Variants in FANCC observed in about 807,000 individuals in gnomAD.
The protein encoded by FANCC is Fanconi anemia group C protein.
A neutral mutation model predicts 71.3 loss-of-function variants in FANCC; 55 were observed. The ratio of observed to expected loss-of-function variants is 0.77; its 90% CI spans 0.62 to 0.97. The LOEUF is 0.97. FANCC is among the 50% of genes least tolerant of loss of function. The pLI, the probability that FANCC is intolerant of heterozygous loss-of-function variation, is 0.00. For missense variants in FANCC, 678 were observed against 670.9 expected (o/e 1.01, Z -0.12); for synonymous variants, 275 against 244.9 (o/e 1.12, Z -1.15).
intron 1 of FANCC, among the ~76,000 whole-genome samples, chr9:95,300,815 C>T (rs756429160): frequency 2.4e-4 from 36 of 152,166 alleles, no homozygotes; most frequent in Non-Finnish European, 1.0e-4. Context: ...CCATCATTTA[C>T]ACTAGCTGCC....
intron 4 of FANCC, among the ~76,000 whole-genome samples, chr9:95,222,349 C>A (rs1224088161): frequency 2.0e-5 from 3 of 151,930 alleles, no homozygotes; most frequent in Non-Finnish European, 2.9e-5. Flanking sequence ...ATGGATAAAT[C>A]TCAGAAACAT....
chr9:95,264,154 C>T (rs1193692941), intron 1 of FANCC, among the ~76,000 whole-genome samples: 2 of 152,208 alleles, frequency 1.3e-5, no homozygotes, highest in African/African-American at 4.8e-5. Context: ...AATCCCTTAA[C>T]ACCATTCTTT....
chr9:95,136,316 T>C (rs1827690234), intron 7 of FANCC, among the ~76,000 whole-genome samples: 2 of 151,962 alleles, frequency 1.3e-5, no homozygotes, highest in South Asian at 4.1e-4. Flanking sequence ...GGAGGATCGC[T>C]AGAGCCCAGG....
chr9:95,227,412 C>T (rs964869780), intron 4 of FANCC, among the ~76,000 whole-genome samples: 1 of 152,174 alleles, frequency 6.6e-6, no homozygotes, highest in East Asian at 1.9e-4. Flanking sequence ...CAGACACAAG[C>T]TACATTCTTG....
At position 95,172,028 on chromosome 9, in the gene FANCC, A is replaced by C; in HGVS notation, c.456+9T>G. The C allele has an allele frequency of 1.3e-6, 2 of 1,526,202 alleles. No homozygotes were observed. The highest frequency in any genetic ancestry group is 1.8e-6 in the Non-Finnish European group (2 of 1,100,612). 94.5% of individuals were successfully genotyped at this position (1,526,202 alleles called of 1,614,324 possible). ...AACATTTCAAAAGTGATAAATTTTA[A>C]ATACTCACATTTTTAAGCAAACCAG... is the stretch of plus-strand genomic sequence containing the variant. On this transcript the variant is annotated intron_variant, in intron 5 of 14. Transcript: ENST00000289081.
chr9:95,116,925 C>T (rs980338934), intron 11 of FANCC, among the ~76,000 whole-genome samples: 2 of 152,198 alleles, frequency 1.3e-5, no homozygotes, highest in African/African-American at 4.8e-5. Flanking sequence ...TCTTCTGCAA[C>T]AAGGCTGCAC....
intron 10 of FANCC, among the ~76,000 whole-genome samples, chr9:95,121,816 A>G (rs1216067799): frequency 6.6e-6 from 1 of 152,146 alleles, no homozygotes; most frequent in Non-Finnish European, 1.5e-5. Context: ...ATGTGATCAA[A>G]CTACTTTCAG....
intron 4 of FANCC, among the ~76,000 whole-genome samples, chr9:95,220,673 A>G (rs1357096251): frequency 6.6e-6 from 1 of 152,092 alleles, no homozygotes; most frequent in Non-Finnish European, 1.5e-5. Context: ...AACAATGAGA[A>G]CACTTGGACA....
intron 6 of FANCC, among the ~76,000 whole-genome samples, chr9:95,165,734 G>A (rs984120722): frequency 1.3e-5 from 2 of 152,060 alleles, no homozygotes; most frequent in African/African-American, 4.8e-5. Context: ...ATATGTGCTT[G>A]AGAAGAGTGT....
intron 14 of FANCC, among the ~76,000 whole-genome samples, chr9:95,106,636 AT>A (rs1355533699): frequency 3.9e-5 from 6 of 152,284 alleles, no homozygotes; most frequent in African/African-American, 1.4e-4. Context: ...TAATAAACCA[AT>A]TTTTTTAAAG....
intron 7 of FANCC, among the ~76,000 whole-genome samples, chr9:95,141,985 GTTTTTTTTTTT>G (rs1163083695): frequency 3.6e-5 from 3 of 83,138 alleles, no homozygotes. Flanking sequence ...AGTTTGTGGG[GTTTTTTTTTTT>G]TTTTTTTTTT....
intron 1 of FANCC, among the ~76,000 whole-genome samples, chr9:95,268,100 T>C (rs1832495322): frequency 6.6e-6 from 1 of 152,212 alleles, no homozygotes; most frequent in Non-Finnish European, 1.5e-5. Context: ...GCATTTTGCC[T>C]CTCCCCTACC....
At chr9:95,126,175 T>A (rs935001449) in intron 9 of FANCC, among the ~76,000 whole-genome samples, 1 of 152,230 alleles carries the variant, frequency 6.6e-6, no homozygotes, top group African/African-American at 2.4e-5. Context: ...AAAATATTGG[T>A]CAGCCCTCAC....
intron 1 of FANCC, among the ~76,000 whole-genome samples, chr9:95,261,492 A>C (rs1832042679): frequency 6.6e-6 from 1 of 152,262 alleles, no homozygotes; most frequent in Non-Finnish European, 1.5e-5. Context: ...GATGTTAACA[A>C]GTATTTTGTG....
chr9:95,262,957 T>C (rs1588380260), intron 1 of FANCC, among the ~76,000 whole-genome samples: 1 of 152,222 alleles, frequency 6.6e-6, no homozygotes, highest in Non-Finnish European at 1.5e-5. Flanking sequence ...AGTAATGGAA[T>C]GTTACTGCTT....
intron 8 of FANCC, 23 bp from the exon 9 acceptor site, chr9:95,126,604 G>C: frequency 1.2e-6 from 2 of 1,613,014 alleles, no homozygotes; most frequent in Non-Finnish European, 1.7e-6. Flanking sequence ...AAGACCATGA[G>C]AATGTGAAAT....
intron 4 of FANCC, among the ~76,000 whole-genome samples, chr9:95,213,479 A>G (rs1783498651): frequency 6.6e-6 from 1 of 152,176 alleles, no homozygotes; most frequent in Admixed American, 6.5e-5. Flanking sequence ...AGAATAGAAT[A>G]CAGAGTCCAA....
intron 8 of FANCC, among the ~76,000 whole-genome samples, chr9:95,130,559 T>G (rs982553247): frequency 3.9e-5 from 6 of 152,224 alleles, no homozygotes; most frequent in Admixed American, 3.9e-4. Context: ...TGGAATAGAT[T>G]CTTTCCTGGT....
At chr9:95,292,423 C>A in intron 1 of FANCC, 1 of 1,102,170 alleles carries the variant, frequency 9.1e-7, no homozygotes, top group Non-Finnish European at 1.1e-6. Context: ...ACGAGAGGAG[C>A]CTCCGCCGCC....
Sources: gnomAD v4.1 joint callset for allele counts (sites outside exome capture counted in the v4.1 genomes callset) on GRCh38, gnomAD v4.1.1 for gene constraint, MANE v1.5 for transcripts, NCBI Gene and HGNC (gene_info 2026-07-23, HGNC 2026-07-21) for gene names.